KIF2B: variants seen among roughly 807,000 people sequenced by gnomAD.
The protein encoded by KIF2B is kinesin family member 2B, also known as kinesin-like protein KIF2B.
KIF2B carries 5 observed loss-of-function variants against 6.8 expected under a neutral mutation model. That is an observed-to-expected ratio of 0.74 (90% CI 0.39 to 1.55). KIF2B has a LOEUF of 1.55. Ranked by LOEUF, KIF2B falls within the 40% of genes most tolerant of loss-of-function variation. KIF2B has a pLI of 0.03. For synonymous variants in KIF2B, 370 were observed against 330.7 expected (o/e 1.12, Z -1.29); for missense variants, 908 against 831.3 (o/e 1.09, Z -1.13).
Position 53,822,953 on chromosome 17 carries a change from C to A in KIF2B, c.-81C>A. 1 of 1,290,060 alleles carries A rather than the reference C, an allele frequency of 7.8e-7. No individual in the cohort carries two copies. The highest frequency in any genetic ancestry group is 2.1e-5 in the Admixed American group (1 of 46,670). 79.9% of individuals were successfully genotyped at this position (1,290,060 alleles called of 1,614,324 possible). ...CAGACTGCAACCCTGCTCAGTGCTC[C>A]GGGCGCTTCAGGCTGGCTTGGGTCC... is the stretch of plus-strand genomic sequence containing the variant. On this transcript the variant is annotated 5_prime_UTR_variant, in exon 1 of 1. Transcript: ENST00000268919.
Position 53,825,025 on chromosome 17 carries a change from T to A in KIF2B, c.1992T>A (p.Ala664=), listed in dbSNP as rs2143788130. 6.2e-7 allele frequency: 1 copy of A among 1,612,028 alleles called. No homozygotes were observed. Among genetic ancestry groups the A allele is most frequent in the Middle Eastern group, 1.7e-4 (1 of 6,048 alleles). ...EIQKKLKLLL[A]DLHVKSKVE is the part of the protein sequence containing the mutation. Reference sequence around the variant, plus strand: ...AAAAGAAACTGAAATTATTACTAGCTGACCTCCACGTGAAGAGCAAGGTAG... The same window carrying A: ...AAAAGAAACTGAAATTATTACTAGCAGACCTCCACGTGAAGAGCAAGGTAG... The change falls in exon 1 of 1, where the codon GCT becomes GCA. Residue 664 remains alanine, a synonymous_variant. Coordinates refer to ENST00000268919, the MANE Select transcript of KIF2B (RefSeq NM_032559.5).
rs2143784872 is a variant in KIF2B, at chr17:53,824,344, G to C, written c.1311G>C (p.Arg437=). ...TCCAGATCATCCTGAAGTCAGGACG[G>C]ATAATGCATGGCAAGTTTTCCCTCG... The part of the protein sequence containing the change: ...AVFQIILKSG[R]IMHGKFSLVD... The change falls in exon 1 of 1, where the codon CGG becomes CGC. Residue 437 remains arginine (R), a synonymous_variant. Transcript: ENST00000268919. 1 of 1,614,104 alleles carries C rather than the reference G, an allele frequency of 6.2e-7. No homozygotes were observed. Among genetic ancestry groups the C allele is most frequent in the Non-Finnish European group, 8.5e-7 (1 of 1,180,002 alleles).
In KIF2B at chr17:53,823,606, C is replaced by T. The variant is rs1597958721; in HGVS notation, c.573C>T (p.Ile191=). The change falls in exon 1 of 1, where the codon ATC becomes ATT. Residue 191 remains isoleucine, a synonymous_variant. Coordinates refer to ENST00000268919, the MANE Select transcript of KIF2B (RefSeq NM_032559.5). The part of the protein sequence containing the change: ...RNPNYEIMHM[I]EEYRRHLDSS... The stretch of plus-strand genomic sequence containing the variant: ...CCAACTACGAAATCATGCACATGAT[C>T]GAAGAGTATCGCAGGCACCTGGACA... 4 of 1,613,034 alleles carry T rather than the reference C, an allele frequency of 2.5e-6. No individual in the cohort carries two copies. The Admixed American group carries it at 5.0e-5, about 20-fold the overall frequency.
Position 53,824,112 on chromosome 17 carries a change from A to T in KIF2B, c.1079A>T (p.Tyr360Phe). The T allele has an allele frequency of 6.2e-7, 1 of 1,614,132 alleles. No homozygotes were observed. The highest frequency in any genetic ancestry group is 1.1e-5 in the South Asian group (1 of 91,086). Reference protein sequence around the residue: ...LKVYGTFFEIYGGKVYDLLNW... With the variant: ...LKVYGTFFEIFGGKVYDLLNW... Reference sequence around the variant, plus strand: ...GTCTATGGGACATTTTTTGAGATTTATGGGGGCAAGGTGTATGATTTGTTG... The same window carrying T: ...GTCTATGGGACATTTTTTGAGATTTTTGGGGGCAAGGTGTATGATTTGTTG... The change falls in exon 1 of 1, where the codon TAT becomes TTT. Residue 360 changes from tyrosine to phenylalanine, a missense_variant. Physicochemically the swap from Tyr to Phe is conservative, Grantham distance 22. Coordinates refer to ENST00000268919, the MANE Select transcript of KIF2B (RefSeq NM_032559.5).
At position 53,824,150 on chromosome 17, in the gene KIF2B, A is replaced by G. The variant is rs376669407; in HGVS notation, c.1117A>G (p.Lys373Glu). ...GTATGATTTGTTGAACTGGAAGAAG[A>G]AGCTGCAAGTCCTTGAGGATGGCAA... ...KVYDLLNWKK[K>E]LQVLEDGNQQ... Residue 373 changes from lysine to glutamate, a missense_variant, in exon 1 of 1, where the codon AAG becomes GAG. Physicochemically the swap from Lys to Glu is moderately conservative, Grantham distance 56. Coordinates refer to ENST00000268919, the MANE Select transcript of KIF2B (RefSeq NM_032559.5). 1 of 1,614,246 alleles carries G rather than the reference A, an allele frequency of 6.2e-7. No homozygotes were observed. Among genetic ancestry groups the G allele is most frequent in the Non-Finnish European group, 8.5e-7 (1 of 1,180,034 alleles).
At position 53,823,384 on chromosome 17, in the gene KIF2B, G is replaced by A. The variant is rs758387314; in HGVS notation, c.351G>A (p.Ala117=). The change falls in exon 1 of 1, where the codon GCG becomes GCA. Residue 117 remains alanine, a synonymous_variant. Coordinates refer to ENST00000268919, the MANE Select transcript of KIF2B (RefSeq NM_032559.5). The part of the protein sequence containing the change: ...RDQRTATKWV[A]MIPQKNQTAS... ...AGCGTACCGCCACGAAATGGGTTGC[G>A]ATGATCCCCCAGAAAAACCAAACAG... The A allele has an allele frequency of 8.7e-6, 14 of 1,614,078 alleles. 1 individual carries two copies. The highest frequency in any genetic ancestry group is 3.3e-5 in the Admixed American group (2 of 60,014).
rs370994388 is a variant in KIF2B at position 53,824,471 on chromosome 17, G to T, written c.1438G>T (p.Glu480Ter). 10 of 1,613,998 alleles carry T rather than the reference G, an allele frequency of 6.2e-6. No homozygotes were observed. In the African/African-American group the frequency reaches 8.0e-5, roughly 13 times the overall value. ...TAACAAGAGTCTTCTAGCCCTCAAA[G>T]AATGTATTCTGGCTTTGGGTCAGAA... is the stretch of plus-strand genomic sequence containing the variant. ...EINKSLLALKECILALGQNKP... is the reference protein window; with the variant it reads ...EINKSLLALK Residue 480 changes from glutamate to a stop codon, truncating the protein, a stop_gained, in exon 1 of 1, where the codon GAA becomes TAA. Transcript: ENST00000268919. LOFTEE classifies it low-confidence loss of function (END_TRUNC).
chr17:53,824,983 T>A lies in KIF2B; in HGVS notation c.1950T>A (p.Asp650Glu), dbSNP rs377168911. The change falls in exon 1 of 1, where the codon GAT becomes GAA. Residue 650 changes from aspartate to glutamate, a missense_variant. By Grantham distance (45) the Asp-to-Glu change is conservative (BLOSUM62 2). Coordinates refer to ENST00000268919, the MANE Select transcript of KIF2B (RefSeq NM_032559.5). ...RSLSILEQKIDALTEIQKKLK... is the reference protein window; with the variant it reads ...RSLSILEQKIEALTEIQKKLK... ...TGTCCATTTTGGAGCAGAAAATTGA[T>A]GCTCTGACCGAGATCCAAAAGAAAC... 7 of 1,613,946 alleles carry A rather than the reference T, an allele frequency of 4.3e-6. No homozygotes were observed. Among genetic ancestry groups the A allele is most frequent in the Admixed American group, 1.7e-5 (1 of 59,978 alleles).
At position 53,824,393 on chromosome 17, in the gene KIF2B, G is replaced by C. The variant is rs906195356; in HGVS notation, c.1360G>C (p.Gly454Arg). The C allele has an allele frequency of 9.9e-6, 16 of 1,614,182 alleles. No individual in the cohort carries two copies. Among genetic ancestry groups the C allele is most frequent in the Non-Finnish European group, 1.4e-5 (16 of 1,180,046 alleles). The change falls in exon 1 of 1, where the codon GGA becomes CGA. Residue 454 changes from glycine (G) to arginine (R), a missense_variant. Physicochemically the swap from Gly to Arg is moderately radical, Grantham distance 125. Coordinates refer to ENST00000268919, the MANE Select transcript of KIF2B (RefSeq NM_032559.5). Reference sequence around the variant, plus strand: ...CGTTGATTTAGCTGGGAATGAAAGAGGAGCAGATACAACCAAGGCCAGCCG... The same window carrying C: ...CGTTGATTTAGCTGGGAATGAAAGACGAGCAGATACAACCAAGGCCAGCCG... ...SLVDLAGNER[G>R]ADTTKASRKR...
rs2143785220 is a variant in KIF2B, at chr17:53,824,416, C to A, written c.1383C>A (p.Ser461Arg). 1 of 1,614,052 alleles carries A rather than the reference C, an allele frequency of 6.2e-7. No homozygotes were observed. The highest frequency in any genetic ancestry group is 1.1e-5 in the South Asian group (1 of 91,068). ...GAGGAGCAGATACAACCAAGGCCAG[C>A]CGGAAAAGGCAGCTGGAAGGGGCAG... ...NERGADTTKA[S>R]RKRQLEGAEI... The change falls in exon 1 of 1, where the codon AGC becomes AGA. Residue 461 changes from serine (S) to arginine (R), a missense_variant. Transcript: ENST00000268919.
At position 53,823,543 on chromosome 17, in the gene KIF2B, C is replaced by T. The variant is rs2143780222; in HGVS notation, c.510C>T (p.Ile170=). The T allele has an allele frequency of 6.2e-7, 1 of 1,613,734 alleles. No individual in the cohort carries two copies. The highest frequency in any genetic ancestry group is 8.5e-7 in the Non-Finnish European group (1 of 1,180,036). The change falls in exon 1 of 1, where the codon ATC becomes ATT. Residue 170 remains isoleucine, a synonymous_variant. Coordinates refer to ENST00000268919, the MANE Select transcript of KIF2B (RefSeq NM_032559.5). Reference sequence around the variant, plus strand: ...AGCGCAGGCGGCTGCAGCAGGAGATCCGAGCTAGACGCGCCCTCGATGTCA... The same window carrying T: ...AGCGCAGGCGGCTGCAGCAGGAGATTCGAGCTAGACGCGCCCTCGATGTCA... ...REKRRRLQQE[I]RARRALDVNT...
chr17:53,824,277 A>G lies in KIF2B; in HGVS notation c.1244A>G (p.Gln415Arg). The G allele has an allele frequency of 6.2e-7, 1 of 1,614,132 alleles. No homozygotes were observed. Among genetic ancestry groups the G allele is most frequent in the Non-Finnish European group, 8.5e-7 (1 of 1,180,006 alleles). The change falls in exon 1 of 1, where the codon CAA becomes CGA. Residue 415 changes from glutamine (Q) to arginine (R), a missense_variant. Transcript: ENST00000268919. ...EIGNSCRTSRQTPVNAHSSRS... is the reference protein window; with the variant it reads ...EIGNSCRTSRRTPVNAHSSRS... ...GGGAATAGCTGTCGGACTTCCAGGC[A>G]AACACCTGTCAACGCTCACTCATCC...
Position 53,824,091 on chromosome 17 carries a change from A to G in KIF2B, c.1058A>G (p.Tyr353Cys), listed in dbSNP as rs2143783508. The part of the protein sequence containing the change: ...STYEKLDLKV[Y>C]GTFFEIYGGK... ...TATGAGAAGCTGGACCTCAAAGTCT[A>G]TGGGACATTTTTTGAGATTTATGGG... The change falls in exon 1 of 1, where the codon TAT becomes TGT. Residue 353 changes from tyrosine (Y) to cysteine (C), a missense_variant. Physicochemically the swap from Tyr to Cys is radical, Grantham distance 194. Coordinates refer to ENST00000268919, the MANE Select transcript of KIF2B (RefSeq NM_032559.5). 7 of 1,614,224 alleles carry G rather than the reference A, an allele frequency of 4.3e-6. No individual in the cohort carries two copies. The highest frequency in any genetic ancestry group is 2.2e-5 in the South Asian group (2 of 91,086).
In KIF2B at chr17:53,823,430, G is replaced by A. The variant is rs1305227589; in HGVS notation, c.397G>A (p.Val133Met). The A allele has an allele frequency of 6.2e-7, 1 of 1,614,186 alleles. No individual in the cohort carries two copies. Among genetic ancestry groups the A allele is most frequent in the African/African-American group, 1.3e-5 (1 of 75,058 alleles). ...AACAGCCTCAGGGGACAGCCTGGAT[G>A]TGAGGGTCCCCAGCAAACCTTGTCT... ...NQTASGDSLD[V>M]RVPSKPCLMK... The change falls in exon 1 of 1, where the codon GTG becomes ATG. Residue 133 changes from valine (V) to methionine (M), a missense_variant. Val to Met is a conservative substitution (Grantham distance 21). Transcript: ENST00000268919.
Position 53,824,500 on chromosome 17 carries a change from G to A in KIF2B, c.1467G>A (p.Lys489=), listed in dbSNP as rs1196689163. 1.7e-5 allele frequency: 27 copies of A among 1,614,066 alleles called. No homozygotes were observed. Among genetic ancestry groups the A allele is most frequent in the Non-Finnish European group, 2.3e-5 (27 of 1,180,030 alleles). The change falls in exon 1 of 1, where the codon AAG becomes AAA. Residue 489 remains lysine, a synonymous_variant. Coordinates refer to ENST00000268919, the MANE Select transcript of KIF2B (RefSeq NM_032559.5). ...GTATTCTGGCTTTGGGTCAGAACAA[G>A]CCTCACACCCCATTCAGAGCCAGCA... ...KECILALGQN[K]PHTPFRASKL...
At position 53,823,262 on chromosome 17, in the gene KIF2B, C is replaced by T. The variant is rs752134865; in HGVS notation, c.229C>T (p.Leu77Phe). ...KGKKIDLETI[L>F]LLNPALDSAE... ...CAAGAAGATTGACCTGGAGACCATA[C>T]TCCTGCTGAATCCAGCTCTGGACTC... is the stretch of plus-strand genomic sequence containing the variant. Residue 77 changes from leucine to phenylalanine, a missense_variant, in exon 1 of 1, where the codon CTC becomes TTC. Coordinates refer to ENST00000268919, the MANE Select transcript of KIF2B (RefSeq NM_032559.5). 6.2e-7 allele frequency: 1 copy of T among 1,614,192 alleles called. No homozygotes were observed. The highest frequency in any genetic ancestry group is 8.5e-7 in the Non-Finnish European group (1 of 1,180,044).
Position 53,824,293 on chromosome 17 carries a change from T to A in KIF2B, c.1260T>A (p.Ala420=), listed in dbSNP as rs1232084117. The A allele has an allele frequency of 6.2e-7, 1 of 1,614,102 alleles. No homozygotes were observed. Among genetic ancestry groups the A allele is most frequent in the Non-Finnish European group, 8.5e-7 (1 of 1,180,016 alleles). Residue 420 remains alanine, a synonymous_variant, in exon 1 of 1, where the codon GCT becomes GCA. Transcript: ENST00000268919. ...CTTCCAGGCAAACACCTGTCAACGC[T>A]CACTCATCCAGGAGCCATGCAGTGT... ...CRTSRQTPVN[A]HSSRSHAVFQ...
At position 53,824,876 on chromosome 17, in the gene KIF2B, G is replaced by A. The variant is rs779344883; in HGVS notation, c.1843G>A (p.Gly615Arg). 1.2e-6 allele frequency: 2 copies of A among 1,614,032 alleles called. No individual in the cohort carries two copies. The highest frequency in any genetic ancestry group is 1.6e-4 in the Middle Eastern group (1 of 6,062). The change falls in exon 1 of 1, where the codon GGA becomes AGA. Residue 615 changes from glycine (G) to arginine (R), a missense_variant. Transcript: ENST00000268919. ...LGKDTTISGKGSSQWLENIQE... is the reference protein window; with the variant it reads ...LGKDTTISGKRSSQWLENIQE... The stretch of plus-strand genomic sequence containing the variant: ...GAAGGATACCACAATTTCAGGGAAG[G>A]GATCTAGCCAATGGCTGGAAAACAT...
In KIF2B at chr17:53,823,158, A is replaced by G. The variant is rs2143777991; in HGVS notation, c.125A>G (p.His42Arg). The G allele has an allele frequency of 6.2e-7, 1 of 1,614,160 alleles. No homozygotes were observed. Among genetic ancestry groups the G allele is most frequent in the Non-Finnish European group, 8.5e-7 (1 of 1,180,026 alleles). The change falls in exon 1 of 1, where the codon CAC (histidine) becomes CGC (arginine). Residue 42 changes from histidine (H) to arginine (R), a missense_variant. His to Arg is a conservative substitution (Grantham distance 29, BLOSUM62 0). Coordinates refer to ENST00000268919, the MANE Select transcript of KIF2B (RefSeq NM_032559.5). ...VAIQRSDKRI[H>R]LAVVTEINRE... ...ATCCAGCGCAGTGACAAGCGGATCC[A>G]CCTCGCTGTGGTCACGGAGATCAAC...
Sources: allele counts gnomAD v4.1 joint callset, GRCh38; gene constraint gnomAD v4.1.1; transcripts MANE v1.5; gene names NCBI Gene and HGNC (gene_info 2026-07-23, HGNC 2026-07-21).